TAOK1: variants seen among roughly 807,000 people sequenced by gnomAD.
TAOK1 encodes the protein TAO kinase 1.
Under a neutral mutation model 138.3 loss-of-function variants are expected in TAOK1, and 21 were observed. That is an observed-to-expected ratio of 0.15 (90% CI 0.11 to 0.22). The LOEUF (loss-of-function observed/expected upper bound fraction) is 0.22. TAOK1 is among the 10% of genes least tolerant of loss of function. TAOK1 has a pLI of 1.00. For synonymous variants in TAOK1, 361 were observed against 398.4 expected (o/e 0.91, Z 1.12); for missense variants, 651 against 1,227.7 (o/e 0.53, Z 7.02).
At position 29,489,770 on chromosome 17, in the gene TAOK1, A is replaced by AATAT. The variant is rs2031257625; in HGVS notation, c.749+20_749+23dup. On this transcript the variant is annotated intron_variant, in intron 9 of 19. Coordinates refer to ENST00000261716, the MANE Select transcript of TAOK1 (RefSeq NM_020791.4). Reference sequence around the variant, plus strand: ...AGTCTAATGAATGGTGAGTATTGTTAATATATATATTGCTCAGTGTTGAAT... The same window carrying AATAT: ...AGTCTAATGAATGGTGAGTATTGTTAATATATATATATATTGCTCAGTGTTGAAT... 6.5e-7 allele frequency: 1 copy of AATAT among 1,541,576 alleles called. No homozygotes were observed. Among genetic ancestry groups the AATAT allele is most frequent in the South Asian group, 1.2e-5 (1 of 85,852 alleles).
intron 1 of TAOK1, among the ~76,000 whole-genome samples, chr17:29,429,119 G>C (rs889269872): frequency 6.6e-6 from 1 of 152,022 alleles, no homozygotes; most frequent in Non-Finnish European, 1.5e-5. Context: ...GCCTTTCTAG[G>C]TGGGTATTCT....
At chr17:29,518,752 T>TTTATTTTATTTATTTATTTATC (rs1555567087) in intron 16 of TAOK1, among the ~76,000 whole-genome samples, 66 of 135,586 alleles carry the variant, frequency 4.9e-4, no homozygotes, top group African/African-American at 1.8e-3. Context: ...TATTTTTACT[T>TTTATTTTATTTATTTATTTATC]TATCTATTTA....
intron 19 of TAOK1, among the ~76,000 whole-genome samples, chr17:29,542,147 G>A (rs538479093): frequency 1.5e-3 from 228 of 152,270 alleles, no homozygotes; most frequent in African/African-American, 5.2e-3. Context: ...AAAGTGCTGG[G>A]ACTACAGGCG....
chr17:29,501,177 G>A (rs2031515641), intron 12 of TAOK1, among the ~76,000 whole-genome samples: 1 of 148,766 alleles, frequency 6.7e-6, no homozygotes, highest in Non-Finnish European at 1.5e-5. Context: ...TTGAGGCCAG[G>A]AGTTCAAGAC....
chr17:29,540,383 G>T (rs1439000122), intron 19 of TAOK1, among the ~76,000 whole-genome samples: 2 of 129,960 alleles, frequency 1.5e-5, no homozygotes, highest in African/African-American at 6.2e-5. Flanking sequence ...TGTTTGTTTT[G>T]AGACTAAGTC....
intron 7 of TAOK1, among the ~76,000 whole-genome samples, chr17:29,481,598 A>G (rs1296950221): frequency 6.6e-6 from 1 of 152,156 alleles, no homozygotes; most frequent in Non-Finnish European, 1.5e-5. Context: ...GCAAAATATA[A>G]TTCTGCCTTG....
chr17:29,396,938 G>C (rs1257296208), intron 1 of TAOK1, among the ~76,000 whole-genome samples: 1 of 142,500 alleles, frequency 7.0e-6, no homozygotes, highest in African/African-American at 2.7e-5. Context: ...GTTGCAGTGA[G>C]CTGAGATTGT....
At chr17:29,504,358 A>G (rs2031591041) in intron 13 of TAOK1, among the ~76,000 whole-genome samples, 1 of 151,194 alleles carries the variant, frequency 6.6e-6, no homozygotes, top group Non-Finnish European at 1.5e-5. Context: ...AAAGGAAGGA[A>G]GAAAGGAAAG....
intron 1 of TAOK1, among the ~76,000 whole-genome samples, chr17:29,396,856 G>A (rs1225989863): frequency 1.3e-5 from 2 of 152,048 alleles, no homozygotes; most frequent in Non-Finnish European, 2.9e-5. Context: ...GCTGGGCGTG[G>A]TGGCGTGTGC....
At chr17:29,439,591 C>T (rs1048416759) in intron 1 of TAOK1, among the ~76,000 whole-genome samples, 3 of 152,100 alleles carry the variant, frequency 2.0e-5, no homozygotes, top group South Asian at 2.1e-4. Flanking sequence ...TGTCTCTAGT[C>T]TCCTCCAGAA....
chr17:29,429,667 A>G (rs1905764288), intron 1 of TAOK1, among the ~76,000 whole-genome samples: 1 of 152,166 alleles, frequency 6.6e-6, no homozygotes, highest in African/African-American at 2.4e-5. Context: ...TAAACTACCA[A>G]TTTTGTCCAG....
chr17:29,465,012 G>T (rs927499592), intron 2 of TAOK1, among the ~76,000 whole-genome samples: 2 of 151,080 alleles, frequency 1.3e-5, no homozygotes, highest in African/African-American at 4.9e-5. Context: ...GTAGAGACGG[G>T]GTTTCACCAA....
In TAOK1 at chr17:29,547,228, A is replaced by G. The variant is rs1290344949; in HGVS notation, c.*4206A>G. ...CTCTTACTTTTTTTACTCCATTAAT[A>G]CTAATAATTATATACTTTGCTGAGG... On this transcript the variant is annotated 3_prime_UTR_variant, in exon 20 of 20. Transcript: ENST00000261716. 6.6e-6 allele frequency: 1 copy of G among 152,132 alleles called. No homozygotes were observed. The highest frequency in any genetic ancestry group is 1.5e-5 in the Non-Finnish European group (1 of 67,974). The allele number at this position is 152,132 out of a possible 1,614,324, so 9.4% of individuals were successfully genotyped here. A position where few individuals can be genotyped will look rare whatever the true frequency, so the allele number is the denominator to read the frequency against.
At chr17:29,494,642 C>T (rs968814183) in intron 10 of TAOK1, among the ~76,000 whole-genome samples, 4 of 151,812 alleles carry the variant, frequency 2.6e-5, no homozygotes, top group Non-Finnish European at 2.9e-5. Context: ...CTGGCTAACA[C>T]GGTGAAACCC....
chr17:29,510,368 C>T (rs1158752696), intron 14 of TAOK1, among the ~76,000 whole-genome samples: 1 of 152,118 alleles, frequency 6.6e-6, no homozygotes. Context: ...CAGAGCAAGA[C>T]TCCATCTCAA....
chr17:29,395,984 T>C (rs1274731605), intron 1 of TAOK1, among the ~76,000 whole-genome samples: 1 of 151,984 alleles, frequency 6.6e-6, no homozygotes, highest in African/African-American at 2.4e-5. Flanking sequence ...CCGTACTTAC[T>C]ATTAATGGTT....
At chr17:29,392,984 TAA>T (rs1904476356) in intron 1 of TAOK1, among the ~76,000 whole-genome samples, 1 of 152,198 alleles carries the variant, frequency 6.6e-6, no homozygotes, top group Non-Finnish European at 1.5e-5. Context: ...GTATGTTAAA[TAA>T]GTTTTATTTT....
rs891198829 is a variant in TAOK1, at chr17:29,549,703, T to C, written c.*6681T>C. 2 of 152,196 alleles carry C rather than the reference T, an allele frequency of 1.3e-5. No individual in the cohort carries two copies. Among genetic ancestry groups the C allele is most frequent in the African/African-American group, 4.8e-5 (2 of 41,454 alleles). 9.4% of individuals were successfully genotyped at this position (152,196 alleles called of 1,614,324 possible). ...AAAAACCCCGGGGCTATTGGAACCCTTCCAACACTTTTTCCTTTGTCATAG... is the reference window on the plus strand; with the variant it reads ...AAAAACCCCGGGGCTATTGGAACCCCTCCAACACTTTTTCCTTTGTCATAG... On this transcript the variant is annotated 3_prime_UTR_variant, in exon 20 of 20. Coordinates refer to ENST00000261716, the MANE Select transcript of TAOK1 (RefSeq NM_020791.4).
At chr17:29,537,922 G>A (rs900484900) in intron 19 of TAOK1, among the ~76,000 whole-genome samples, 3 of 151,940 alleles carry the variant, frequency 2.0e-5, no homozygotes, top group African/African-American at 7.3e-5. Context: ...GACCAGCCTG[G>A]CCAACGTGGT....
Sources: allele counts gnomAD v4.1 joint callset (sites outside exome capture counted in the v4.1 genomes callset), GRCh38; gene constraint gnomAD v4.1.1; transcripts MANE v1.5; gene names NCBI Gene and HGNC (gene_info 2026-07-23, HGNC 2026-07-21).